The following ADGRE5 variants were observed in gnomAD, a reference collection of about 807,000 sequenced individuals.
The protein encoded by ADGRE5 is CD97 molecule.
ADGRE5 carries 72 observed loss-of-function variants against 100.3 expected under a neutral mutation model. The observed-to-expected ratio is 0.72, with a 90% CI of 0.59 to 0.87. ADGRE5 has a LOEUF of 0.87. Among genes scored for constraint, ADGRE5 ranks in the 40% least tolerant of loss-of-function variants. The pLI is 0.00. For missense variants in ADGRE5, 959 were observed against 1,094.7 expected, an observed-to-expected ratio of 0.88 and a Z score of 1.75; for synonymous variants, 439 against 447.8, an observed-to-expected ratio of 0.98 and a Z score of 0.25.
chr19:14,386,110 A>C (rs73515685), intron 1 of ADGRE5, among the ~76,000 whole-genome samples: 7,638 of 148,764 alleles, frequency 0.051, 495 homozygotes, highest in African/African-American at 0.15. Flanking sequence ...GATGGCAGGC[A>C]GGGCCTGGCG....
chr19:14,402,496 C>G, intron 11 of ADGRE5, 101 bp from the exon 12 acceptor site: 1 of 1,210,376 alleles, frequency 8.3e-7, no homozygotes, highest in Non-Finnish European at 1.2e-6. Flanking sequence ...CTGGCGTCAT[C>G]GTGGTGGACT....
At chr19:14,395,345 G>A (rs138625969) in intron 4 of ADGRE5, among the ~76,000 whole-genome samples, 1 of 151,520 alleles carries the variant, frequency 6.6e-6, no homozygotes, top group East Asian at 1.9e-4. Context: ...AGGGTTGGAT[G>A]AAGGAGGCGG....
Position 14,406,996 on chromosome 19 carries a change from C to T in ADGRE5, c.2207+36C>T. 6.2e-7 allele frequency: 1 copy of T among 1,613,478 alleles called. No individual in the cohort carries two copies. The highest frequency in any genetic ancestry group is 8.5e-7 in the Non-Finnish European group (1 of 1,179,448). On this transcript the variant is annotated intron_variant, in intron 17 of 19. Transcript: ENST00000242786. The surrounding 1 kb of genome is among the most constrained non-coding windows in gnomAD (Gnocchi z 6.0). ...AGGCTGGAAGGACTTGGAGGCGGGG[C>T]CGGGGTGAGGGGCATGAAGCTGGAG... is the stretch of plus-strand genomic sequence containing the variant.
chr19:14,405,650 G>C, intron 13 of ADGRE5, 98 bp from the exon 14 acceptor site: 3 of 832,984 alleles, frequency 3.6e-6, no homozygotes, highest in Non-Finnish European at 3.9e-6. Context: ...AGGTCAGAGA[G>C]GTGGGCCCGT....
At chr19:14,407,331 G>T in intron 18 of ADGRE5, 102 bp downstream of exon 18, 1 of 1,328,586 alleles carries the variant, frequency 7.5e-7, no homozygotes, top group Non-Finnish European at 1.1e-6. Flanking sequence ...GACCAGCCTG[G>T]GCAACATAAC....
Position 14,405,783 on chromosome 19 carries a change from G to A in ADGRE5, c.1665G>A (p.Leu555=). The change falls in exon 14 of 20, where the codon CTG becomes CTA. Residue 555 remains leucine, a synonymous_variant. Coordinates refer to ENST00000242786, the MANE Select transcript of ADGRE5 (RefSeq NM_078481.4). ...WKLTLITRVG[L]ALSLFCLLLC... ...TGACCCTGATCACCAGGGTGGGACT[G>A]GCGCTGTCACTCTTCTGCCTGCTGC... The A allele has an allele frequency of 1.2e-6, 2 of 1,613,816 alleles. No individual in the cohort carries two copies. The highest frequency in any genetic ancestry group is 1.7e-6 in the Non-Finnish European group (2 of 1,179,956).
chr19:14,388,559 G>A, intron 2 of ADGRE5, 59 bp downstream of exon 2: 1 of 1,583,770 alleles, frequency 6.3e-7, no homozygotes, highest in African/African-American at 1.3e-5. Flanking sequence ...GAGGGTCCTG[G>A]ACCCCCGCCC....
intron 1 of ADGRE5, among the ~76,000 whole-genome samples, chr19:14,382,050 G>A (rs1483173450): frequency 1.3e-5 from 2 of 152,154 alleles, no homozygotes; most frequent in African/African-American, 4.8e-5. Flanking sequence ...CCTGGCTGGG[G>A]CTCAGCTGCG....
intron 13 of ADGRE5, 199 bp downstream of exon 13, chr19:14,404,761 G>T (rs1976154634): frequency 1.8e-6 from 1 of 547,614 alleles, no homozygotes; most frequent in Non-Finnish European, 3.2e-6. Context: ...TATACACTGG[G>T]TGCAGCCACT....
At position 14,406,373 on chromosome 19, in the gene ADGRE5, T is replaced by C; in HGVS notation, c.1864T>C (p.Cys622Arg). Reference sequence around the variant, plus strand: ...CCTGGTGGCCGGGCTGCTGCACTACTGTTTCCTGGCCGCCTTCTGCTGGAT... The same window carrying C: ...CCTGGTGGCCGGGCTGCTGCACTACCGTTTCCTGGCCGCCTTCTGCTGGAT... ...CRLVAGLLHY[C>R]FLAAFCWMSL... Residue 622 changes from cysteine to arginine, a missense_variant, in exon 15 of 20, where the codon TGT (cysteine) becomes CGT (arginine). Physicochemically the swap from Cys to Arg is radical, Grantham distance 180. Around this residue, in one of 6 missense-constraint regions of ADGRE5, gnomAD observed 428 missense variants for 386.2 expected, o/e 1.11. Transcript: ENST00000242786. This position sits in a 1 kb window ranked among gnomAD's most constrained non-coding sequence, Gnocchi z 6.0. 1 of 1,586,980 alleles carries C rather than the reference T, an allele frequency of 6.3e-7. No individual in the cohort carries two copies. Among genetic ancestry groups the C allele is most frequent in the Non-Finnish European group, 8.6e-7 (1 of 1,167,880 alleles).
intron 13 of ADGRE5, chr19:14,405,165 A>G: frequency 6.8e-6 from 1 of 147,402 alleles, no homozygotes; most frequent in Non-Finnish European, 1.5e-5. Context: ...TTTCTTTTGG[A>G]CAGAGTCTTG....
At chr19:14,399,474 G>A (rs1975920564) in intron 9 of ADGRE5, among the ~76,000 whole-genome samples, 1 of 142,498 alleles carries the variant, frequency 7.0e-6, no homozygotes, top group South Asian at 2.3e-4. Flanking sequence ...TGAGGCAGGA[G>A]AATGGCGTGA....
At chr19:14,398,216 G>A (rs1975859756) in intron 9 of ADGRE5, 77 bp downstream of exon 9, 1 of 1,374,610 alleles carries the variant, frequency 7.3e-7, no homozygotes, top group Non-Finnish European at 1.0e-6. Flanking sequence ...CAGAGAGAGT[G>A]CCCAACCCAA....
rs904464004 is a variant in ADGRE5 at position 14,408,619 on chromosome 19, C to A, written c.*498C>A. On this transcript the variant is annotated 3_prime_UTR_variant, in exon 20 of 20. Coordinates refer to ENST00000242786, the MANE Select transcript of ADGRE5 (RefSeq NM_078481.4). ...CAGAGGCCTGCCCTGCCTGGCCGGGCAGGAGGTTCTCACTGTTGTGAAGGT... is the reference window on the plus strand; with the variant it reads ...CAGAGGCCTGCCCTGCCTGGCCGGGAAGGAGGTTCTCACTGTTGTGAAGGT... 15 of 447,172 alleles carry A rather than the reference C, an allele frequency of 3.4e-5. No homozygotes were observed. The highest frequency in any genetic ancestry group is 5.1e-5 in the Non-Finnish European group (13 of 253,664). The allele number at this position is 447,172 out of a possible 1,614,324, so 27.7% of individuals were successfully genotyped here. A position where few individuals can be genotyped will look rare whatever the true frequency, so the allele number is the denominator to read the frequency against.
At chr19:14,405,668 T>A (rs1711838358) in intron 13 of ADGRE5, 80 bp from the exon 14 acceptor site, 4 of 1,040,502 alleles carry the variant, frequency 3.8e-6, no homozygotes, top group Middle Eastern at 2.3e-4. Context: ...CGTCAAAGTG[T>A]GGGGGGGAAA....
intron 4 of ADGRE5, 44 bp downstream of exon 4, chr19:14,391,123 TGGGGTCACC>T: frequency 6.2e-7 from 1 of 1,611,482 alleles, no homozygotes; most frequent in Non-Finnish European, 8.5e-7. Flanking sequence ...CCATGAGGTT[TGGGGTCACC>T]AGAGCCATTC....
intron 5 of ADGRE5, 58 bp downstream of exon 5, chr19:14,396,531 C>G: frequency 6.2e-7 from 1 of 1,606,844 alleles, no homozygotes. Flanking sequence ...GGAGCTGAGG[C>G]ACGTCCTCCA....
At chr19:14,400,571 C>T (rs763419677) in intron 9 of ADGRE5, among the ~76,000 whole-genome samples, 13 of 152,074 alleles carry the variant, frequency 8.5e-5, no homozygotes, top group Non-Finnish European at 1.9e-4. Flanking sequence ...GCAGGCAGAT[C>T]GCCTGAGGTC....
At chr19:14,407,022 G>A (rs1172965770) in intron 17 of ADGRE5, 39 bp from the exon 18 acceptor site, 1 of 1,613,862 alleles carries the variant, frequency 6.2e-7, no homozygotes, top group South Asian at 1.1e-5. Context: ...GAAGCTGGAG[G>A]TGAGGTGGGG....
Sources: gnomAD v4.1 joint callset for allele counts (sites outside exome capture counted in the v4.1 genomes callset) on GRCh38, gnomAD v4.1.1 for gene constraint, gnomAD v4.1.1 regional missense constraint, Gnocchi (gnomAD v3.1) non-coding constraint, MANE v1.5 for transcripts, NCBI Gene and HGNC (gene_info 2026-07-23, HGNC 2026-07-21) for gene names.